BICRAL: variants seen among roughly 807,000 people sequenced by gnomAD.
The protein encoded by BICRAL is BICRA like chromatin remodeling complex associated protein.
In BICRAL, 8 loss-of-function variants were observed where a neutral mutation model predicts 91.8. The observed-to-expected ratio is 0.09, with a 90% CI of 0.05 to 0.16. The LOEUF is 0.16. Ranked by LOEUF, BICRAL falls within the 10% of genes least tolerant of loss-of-function variation. The pLI is 1.00. For synonymous variants in BICRAL, 445 were observed against 491.1 expected (o/e 0.91, Z 1.24); for missense variants, 1,038 against 1,310.9 (o/e 0.79, Z 3.21).
chr6:42,836,729 A>G (rs544418507), intron 6 of BICRAL, among the ~76,000 whole-genome samples: 2 of 138,938 alleles, frequency 1.4e-5, no homozygotes, highest in East Asian at 4.3e-4. Context: ...TCAAGCAATT[A>G]TCTTGCCTCA....
chr6:42,859,984 A>T (rs1765503900), intron 10 of BICRAL, among the ~76,000 whole-genome samples: 1 of 152,090 alleles, frequency 6.6e-6, no homozygotes, highest in African/African-American at 2.4e-5. Context: ...ATATGGTTTT[A>T]TTTTATAGGT....
At chr6:42,791,458 G>A (rs1420505909) in intron 1 of BICRAL, among the ~76,000 whole-genome samples, 1 of 152,082 alleles carries the variant, frequency 6.6e-6, no homozygotes, top group Non-Finnish European at 1.5e-5. Flanking sequence ...TCTAGAAATG[G>A]TTTATTTCAG....
chr6:42,747,961 T>C (rs973664352), intron 1 of BICRAL, among the ~76,000 whole-genome samples: 1 of 152,014 alleles, frequency 6.6e-6, no homozygotes, highest in Non-Finnish European at 1.5e-5. Context: ...TGCGCCACCA[T>C]GTCCGGCTAA....
In BICRAL at chr6:42,796,969, C is replaced by T. The variant is rs192573768; in HGVS notation, c.-101-13337C>T. ...CTGAGGCAGGAGAATCACTTGAACC[C>T]GGGAGGCAGAGGTTGCGTGAGCTGA... On this transcript the variant is annotated intron_variant, in intron 1 of 12. Transcript: ENST00000314073. Among the ~76,000 whole-genome samples the T allele has an allele frequency of 6.8e-5, 10 of 147,528 alleles. No homozygotes were observed. In the East Asian group the frequency reaches 1.7e-3, roughly 24 times the overall value.
rs566877905 is a variant in BICRAL at position 42,791,964 on chromosome 6, CTG to C, written c.-102+9865_-102+9866del. Reference sequence around the variant, plus strand: ...TATTGTAAACCTGTACAGCATGTGACTGTACCTGGATACTGTAGGTAACTGTA... The same window carrying C: ...TATTGTAAACCTGTACAGCATGTGACTACCTGGATACTGTAGGTAACTGTA... On this transcript the variant is annotated intron_variant, in intron 1 of 12. Coordinates refer to ENST00000314073, the MANE Select transcript of BICRAL (RefSeq NM_001393499.1). Among the ~76,000 whole-genome samples, 969 of 152,288 alleles carry C rather than the reference CTG, an allele frequency of 6.4e-3. 7 individuals carry two copies. The highest frequency in any genetic ancestry group is 9.8e-3 in the Non-Finnish European group (668 of 68,022).
At chr6:42,761,372 T>A (rs1355875844) in intron 1 of BICRAL, among the ~76,000 whole-genome samples, 1 of 151,510 alleles carries the variant, frequency 6.6e-6, no homozygotes, top group African/African-American at 2.4e-5. Context: ...TCTCTTGAAC[T>A]TGGGAGGTGG....
At chr6:42,813,670 A>G (rs1394568573) in intron 2 of BICRAL, among the ~76,000 whole-genome samples, 2 of 151,926 alleles carry the variant, frequency 1.3e-5, no homozygotes, top group Non-Finnish European at 2.9e-5. Context: ...ACAGGTGCGC[A>G]CCACCATGCC....
chr6:42,796,376 C>A (rs964518167), intron 1 of BICRAL, among the ~76,000 whole-genome samples: 2 of 152,138 alleles, frequency 1.3e-5, no homozygotes, highest in African/African-American at 4.8e-5. Context: ...AAGATATGAG[C>A]ATGCATTTTG....
intron 1 of BICRAL, among the ~76,000 whole-genome samples, chr6:42,788,708 A>C (rs1426503836): frequency 6.6e-6 from 1 of 152,202 alleles, no homozygotes; most frequent in Non-Finnish European, 1.5e-5. Context: ...AAGGCCGGTG[A>C]CTTAAACAAA....
intron 1 of BICRAL, among the ~76,000 whole-genome samples, chr6:42,751,739 C>A (rs186186894): frequency 0.015 from 2,254 of 148,006 alleles, 14 homozygotes; most frequent in Middle Eastern, 0.025. Flanking sequence ...CTCACCGCAA[C>A]CCCCGCCTCC....
At chr6:42,789,762 C>T (rs1396293316) in intron 1 of BICRAL, among the ~76,000 whole-genome samples, 1 of 151,972 alleles carries the variant, frequency 6.6e-6, no homozygotes, top group African/African-American at 2.4e-5. Context: ...GAGAAAGTAT[C>T]TCTTCTTATC....
At chr6:42,768,124 G>A (rs1486794212) in intron 1 of BICRAL, among the ~76,000 whole-genome samples, 1 of 152,164 alleles carries the variant, frequency 6.6e-6, no homozygotes, top group Non-Finnish European at 1.5e-5. Flanking sequence ...ATGTTTCACT[G>A]GATAAATGAC....
At chr6:42,817,646 A>G (rs1354986559) in intron 2 of BICRAL, among the ~76,000 whole-genome samples, 1 of 151,924 alleles carries the variant, frequency 6.6e-6, no homozygotes, top group African/African-American at 2.4e-5. Context: ...CACTCAACTA[A>G]TTTTTAAATG....
At chr6:42,842,145 G>A (rs1764816216) in intron 6 of BICRAL, among the ~76,000 whole-genome samples, 1 of 152,166 alleles carries the variant, frequency 6.6e-6, no homozygotes, top group Non-Finnish European at 1.5e-5. Flanking sequence ...AACTGTGGAT[G>A]CCTGAGCCTC....
intron 1 of BICRAL, among the ~76,000 whole-genome samples, chr6:42,783,938 T>C (rs1258033181): frequency 6.6e-6 from 1 of 152,164 alleles, no homozygotes; most frequent in African/African-American, 2.4e-5. Flanking sequence ...TCTTCAGTTA[T>C]TGAAAGTAGA....
chr6:42,784,324 CATT>C lies in BICRAL; in HGVS notation c.-102+2230_-102+2232del, dbSNP rs760742561. On this transcript the variant is annotated intron_variant, in intron 1 of 12. Coordinates refer to ENST00000314073, the MANE Select transcript of BICRAL (RefSeq NM_001393499.1). ...AGATGGGGGAGGGGTTTAACTTTTA[CATT>C]ATTATTGAAAAGAGGAGGGGAAAGG... Among the ~76,000 whole-genome samples the C allele has an allele frequency of 1.9e-4, 29 of 152,124 alleles. No individual in the cohort carries two copies. The East Asian group carries it at 3.3e-3, about 17-fold the overall frequency.
chr6:42,829,718 T>C lies in BICRAL; in HGVS notation c.1385T>C (p.Met462Thr). ...LRTNQPYTGPMLNNQNTAVHL... is the reference protein window; with the variant it reads ...LRTNQPYTGPTLNNQNTAVHL... ...ACCAACCAACCATATACTGGACCGA[T>C]GCTTAACAACCAGAATACTGCTGTC... Residue 462 changes from methionine to threonine, a missense_variant, in exon 6 of 13, where the codon ATG (methionine) becomes ACG (threonine). By Grantham distance (81) the Met-to-Thr change is moderately conservative (BLOSUM62 -1). Around this residue, in one of 5 missense-constraint regions of BICRAL, gnomAD observed 532 missense variants for 724.9 expected, o/e 0.73. Coordinates refer to ENST00000314073, the MANE Select transcript of BICRAL (RefSeq NM_001393499.1). 2 of 1,614,194 alleles carry C rather than the reference T, an allele frequency of 1.2e-6. No homozygotes were observed. Among genetic ancestry groups the C allele is most frequent in the South Asian group, 1.1e-5 (1 of 91,088 alleles).
In BICRAL at chr6:42,825,707, AGT is replaced by A. The variant is rs1221702383; in HGVS notation, c.159+2706_159+2707del. Among the ~76,000 whole-genome samples the A allele has an allele frequency of 3.3e-5, 5 of 149,306 alleles. No homozygotes were observed. The East Asian group carries it at 9.9e-4, about 30-fold the overall frequency. On this transcript the variant is annotated intron_variant, in intron 5 of 12. Coordinates refer to ENST00000314073, the MANE Select transcript of BICRAL (RefSeq NM_001393499.1). ...CACTGCACTCCAGCCTAGGTGACAG[AGT>A]GAGACCCTATCTCAAAAAAAAGAAA... is the stretch of plus-strand genomic sequence containing the variant.
At chr6:42,857,614 A>AAAAAAAAAAAATATAT in intron 10 of BICRAL, among the ~76,000 whole-genome samples, 5 of 96,226 alleles carry the variant, frequency 5.2e-5, no homozygotes, top group Non-Finnish European at 7.4e-5. Context: ...AAAAAAAAAA[A>AAAAAAAAAAAATATAT]ATATATATAT....
Sources: allele counts gnomAD v4.1 joint callset (sites outside exome capture counted in the v4.1 genomes callset), GRCh38; gene constraint gnomAD v4.1.1; regional missense constraint gnomAD v4.1.1; transcripts MANE v1.5; gene names NCBI Gene and HGNC (gene_info 2026-07-23, HGNC 2026-07-21).